The following DACH2 variants were observed in gnomAD, a reference collection of about 807,000 sequenced individuals.
The protein encoded by DACH2 is dachshund homolog 2.
In DACH2, 17 loss-of-function variants were observed where a neutral mutation model predicts 35.8. The observed-to-expected ratio is 0.48, with a 90% CI of 0.33 to 0.71. The LOEUF (loss-of-function observed/expected upper bound fraction) is 0.71. Among genes scored for constraint, DACH2 ranks in the 30% least tolerant of loss-of-function variants. The pLI is 0.02. For missense variants in DACH2, 469 were observed against 472.7 expected (o/e 0.99, Z 0.07); for synonymous variants, 195 against 177.3 (o/e 1.10, Z -0.79).
At chrX:86,696,807 G>A (rs1043709778) in intron 5 of DACH2, among the ~76,000 whole-genome samples, 2 of 111,348 alleles carry the variant, frequency 1.8e-5, no homozygotes, top group Non-Finnish European at 3.8e-5. Context: ...TTTATTTCTA[G>A]GAGCCATACC....
At chrX:86,378,119 T>G (rs776674216) in intron 2 of DACH2, among the ~76,000 whole-genome samples, 1 of 111,044 alleles carries the variant, frequency 9.0e-6, no homozygotes, top group Non-Finnish European at 1.9e-5. Context: ...GCTTTCACTT[T>G]ATTTTTGATT....
chrX:86,185,301 G>C (rs760516997), intron 1 of DACH2, among the ~76,000 whole-genome samples: 3 of 111,791 alleles, frequency 2.7e-5, no homozygotes. Flanking sequence ...TGTAGGCAAG[G>C]TTCTCAGTTT....
intron 6 of DACH2, among the ~76,000 whole-genome samples, chrX:86,728,192 A>T (rs183507263): frequency 8.9e-6 from 1 of 111,946 alleles, no homozygotes; most frequent in Non-Finnish European, 1.9e-5. Flanking sequence ...CCTGGGTTGC[A>T]TCCGATTCAT....
At chrX:86,619,680 T>C (rs1451973959) in intron 3 of DACH2, among the ~76,000 whole-genome samples, 1 of 111,902 alleles carries the variant, frequency 8.9e-6, no homozygotes, top group African/African-American at 3.2e-5. Flanking sequence ...CCTATCATCT[T>C]TTTCCCACGC....
intron 1 of DACH2, among the ~76,000 whole-genome samples, chrX:86,204,372 G>T (rs2032231807): frequency 8.9e-6 from 1 of 112,107 alleles, no homozygotes. Context: ...AGTCTCAAAA[G>T]GCTAAGATAT....
chrX:86,522,833 G>A (rs757412738), intron 3 of DACH2, among the ~76,000 whole-genome samples: 3 of 111,370 alleles, frequency 2.7e-5, no homozygotes, highest in Non-Finnish European at 3.8e-5. Flanking sequence ...AAAAGGAGAG[G>A]GAATATTATA....
chrX:86,318,453 C>G (rs2034954273), intron 1 of DACH2, among the ~76,000 whole-genome samples: 2 of 111,478 alleles, frequency 1.8e-5, no homozygotes, highest in South Asian at 7.5e-4. Flanking sequence ...TAAAAATTGT[C>G]TGTAAATGAC....
At chrX:86,677,152 G>T (rs544471288) in intron 4 of DACH2, among the ~76,000 whole-genome samples, 3 of 111,746 alleles carry the variant, frequency 2.7e-5, no homozygotes, top group African/African-American at 9.7e-5. Flanking sequence ...TAAGTTAGTC[G>T]CTGCCTAAAC....
intron 7 of DACH2, among the ~76,000 whole-genome samples, chrX:86,758,464 T>C (rs1175763778): frequency 8.9e-6 from 1 of 112,289 alleles, no homozygotes; most frequent in Non-Finnish European, 1.9e-5. Context: ...AATTTCCTCC[T>C]TAATTTCTTT....
intron 4 of DACH2, among the ~76,000 whole-genome samples, chrX:86,667,101 A>AT: frequency 9.7e-6 from 1 of 103,044 alleles, no homozygotes; most frequent in African/African-American, 3.5e-5. Flanking sequence ...AAAAAAAAAA[A>AT]AAAAATTAGC....
chrX:86,264,389 C>A (rs888472709), intron 1 of DACH2, among the ~76,000 whole-genome samples: 1 of 112,019 alleles, frequency 8.9e-6, no homozygotes, highest in African/African-American at 3.2e-5. Context: ...TTTGCATACA[C>A]TTATTGTGCG....
At chrX:86,621,831 T>C (rs1277966148) in intron 3 of DACH2, among the ~76,000 whole-genome samples, 1 of 112,106 alleles carries the variant, frequency 8.9e-6, no homozygotes, top group African/African-American at 3.2e-5. Context: ...CTCTGTCCAG[T>C]GATGACCTAA....
chrX:86,546,851 CTCGTATTTTCAAACTACTGTTTGAAAA>C (rs1460866665), intron 3 of DACH2, among the ~76,000 whole-genome samples: 1 of 109,963 alleles, frequency 9.1e-6, no homozygotes, highest in Non-Finnish European at 1.9e-5. Context: ...GGGCAGATGC[CTCGTATTTTCAAACTACTGTTTGAAAA>C]TATCTACTTA....
chrX:86,410,664 A>G (rs1301057437), intron 2 of DACH2, among the ~76,000 whole-genome samples: 1 of 110,365 alleles, frequency 9.1e-6, no homozygotes, highest in Non-Finnish European at 1.9e-5. Context: ...TGCTTGCTGG[A>G]TTTTCTGCCA....
chrX:86,442,432 C>T lies in DACH2; in HGVS notation c.527+65570C>T, dbSNP rs767593123. On this transcript the variant is annotated intron_variant, in intron 2 of 11. Transcript: ENST00000373125. ...GCTATTGTCTTTTTTGAGTTTCTTA[C>T]GCAATCTGGATATTAACCCCTTGTC... Among the ~76,000 whole-genome samples, 348 of 94,683 alleles carry T rather than the reference C, an allele frequency of 3.7e-3. 2 individuals are homozygous for T. Among genetic ancestry groups the T allele is most frequent in the African/African-American group, 0.013 (331 of 25,859 alleles). The allele number at this position is 94,683 out of a possible 115,157, so 82.2% of individuals were successfully genotyped here.
intron 1 of DACH2, among the ~76,000 whole-genome samples, chrX:86,173,429 C>T (rs1309435314): frequency 9.0e-6 from 1 of 111,564 alleles, no homozygotes; most frequent in Non-Finnish European, 1.9e-5. Flanking sequence ...GAGTCAGTTA[C>T]AGTTTTAAAT....
At chrX:86,807,575 T>TTTTA (rs1462131390) in intron 7 of DACH2, among the ~76,000 whole-genome samples, 2 of 112,066 alleles carry the variant, frequency 1.8e-5, no homozygotes, top group Non-Finnish European at 3.8e-5. Flanking sequence ...TTCGCATATT[T>TTTTA]TTTATTTTAA....
intron 3 of DACH2, among the ~76,000 whole-genome samples, chrX:86,633,576 A>T (rs983693374): frequency 8.9e-6 from 1 of 111,972 alleles, no homozygotes; most frequent in African/African-American, 3.2e-5. Context: ...CAAAGTATCT[A>T]AAATGAAGGA....
At chrX:86,216,577 A>T (rs2032577837) in intron 1 of DACH2, among the ~76,000 whole-genome samples, 1 of 111,559 alleles carries the variant, frequency 9.0e-6, no homozygotes, top group Admixed American at 9.6e-5. Flanking sequence ...GCATGGAGAT[A>T]TGTTTTAGGA....
Sources: gnomAD v4.1 joint callset for allele counts (sites outside exome capture counted in the v4.1 genomes callset) on GRCh38, gnomAD v4.1.1 for gene constraint, MANE v1.5 for transcripts, NCBI Gene and HGNC (gene_info 2026-07-23, HGNC 2026-07-21) for gene names.